The following NIPBL variants were observed in gnomAD, a reference collection of about 807,000 sequenced individuals.
The protein encoded by NIPBL is nipped-B-like protein.
In NIPBL, 19 loss-of-function variants were observed where a neutral mutation model predicts 321.8. The ratio of observed to expected loss-of-function variants is 0.06; its 90% CI spans 0.04 to 0.09. NIPBL has a LOEUF of 0.09. Ranked by LOEUF, NIPBL falls within the 10% of genes least tolerant of loss-of-function variation. The pLI is 1.00. For synonymous variants in NIPBL, 1,106 were observed against 1,114.1 expected (o/e 0.99, Z 0.14); for missense variants, 2,210 against 3,327.0 (o/e 0.66, Z 8.26).
rs1330856920 is a variant in NIPBL, at chr5:36,968,114, A to C, written c.611-2762A>C. ...CTGTCTCAAAAAAAAAAAAAAAACA[A>C]AAAACAAAAAACGAATAAGCAGTGT... On this transcript the variant is annotated intron_variant, in intron 6 of 46. Coordinates refer to ENST00000282516, the MANE Select transcript of NIPBL (RefSeq NM_133433.4). 7.9e-4 allele frequency among the ~76,000 whole-genome samples: 119 copies of C among 151,148 alleles called. 4 individuals carry two copies. The highest frequency in any genetic ancestry group is 3.4e-3 in the Middle Eastern group (1 of 290).
chr5:36,925,889 C>T (rs1276376067), intron 1 of NIPBL, among the ~76,000 whole-genome samples: 1 of 152,146 alleles, frequency 6.6e-6, no homozygotes, highest in African/African-American at 2.4e-5. Context: ...ATATTCTATA[C>T]CCTGTCTCCC....
At chr5:36,892,483 G>A (rs1746411644) in intron 1 of NIPBL, among the ~76,000 whole-genome samples, 1 of 152,130 alleles carries the variant, frequency 6.6e-6, no homozygotes, top group Non-Finnish European at 1.5e-5. Flanking sequence ...AAAGACACAT[G>A]CACACGTATG....
At chr5:36,991,972 T>A (rs1175616947) in intron 10 of NIPBL, among the ~76,000 whole-genome samples, 1 of 152,162 alleles carries the variant, frequency 6.6e-6, no homozygotes, top group African/African-American at 2.4e-5. Context: ...AGTTTTTTGA[T>A]GATTTCTGGT....
Position 36,929,180 on chromosome 5 carries a change from T to C in NIPBL, c.-79-24438T>C, listed in dbSNP as rs758049016. On this transcript the variant is annotated intron_variant, in intron 1 of 46. Transcript: ENST00000282516. ...CAACAGTTAATAGTGTCTTTTTTTA[T>C]AACATTATGACAGTTTAATGGATGT... Among the ~76,000 whole-genome samples the C allele has an allele frequency of 8.1e-4, 123 of 152,296 alleles. 2 individuals are homozygous for C. Among genetic ancestry groups the C allele is most frequent in the Middle Eastern group, 3.4e-3 (1 of 292 alleles).
At chr5:36,917,115 C>G (rs181700089) in intron 1 of NIPBL, among the ~76,000 whole-genome samples, 17 of 152,302 alleles carry the variant, frequency 1.1e-4, no homozygotes, top group African/African-American at 3.8e-4. Context: ...ACAGTCCCAC[C>G]AACAGTGTGA....
intron 1 of NIPBL, among the ~76,000 whole-genome samples, chr5:36,940,820 A>G (rs1161727513): frequency 6.6e-6 from 1 of 152,208 alleles, no homozygotes; most frequent in Non-Finnish European, 1.5e-5. Flanking sequence ...ATTAAAATAT[A>G]TAAATCCCTT....
rs190045037 is a variant in NIPBL at position 37,062,316 on chromosome 5, C to T, written c.7860+1298C>T. Among the ~76,000 whole-genome samples the T allele has an allele frequency of 3.3e-4, 50 of 152,270 alleles. 1 individual carries two copies. Among genetic ancestry groups the T allele is most frequent in the Admixed American group, 2.9e-3 (44 of 15,296 alleles). ...CATTCTCTTACCGTGTTTGGCTATT[C>T]TGTTCCTTTCTTTTCTGATAACCAA... On this transcript the variant is annotated intron_variant, in intron 45 of 46. Coordinates refer to ENST00000282516, the MANE Select transcript of NIPBL (RefSeq NM_133433.4).
rs750839372 is a variant in NIPBL at position 36,952,050 on chromosome 5, GTGTGCGCGCGCGCGCGCGCGCGCA to G, written c.-79-1563_-79-1540del. On this transcript the variant is annotated intron_variant, in intron 1 of 46. Transcript: ENST00000282516. ...TGTGTGTGTGTGTGTGTGTGTGTGT[GTGTGCGCGCGCGCGCGCGCGCGCA>G]TGTGTGTGTGTAGCAGTTTAATGTA... 3.4e-3 allele frequency among the ~76,000 whole-genome samples: 399 copies of G among 117,238 alleles called. 1 individual carries two copies. Among genetic ancestry groups the G allele is most frequent in the Non-Finnish European group, 5.6e-3 (296 of 52,564 alleles). The allele number at this position is 117,238 out of a possible 152,430, so 76.9% of individuals were successfully genotyped here.
At chr5:36,904,492 A>G (rs532649804) in intron 1 of NIPBL, among the ~76,000 whole-genome samples, 2 of 152,344 alleles carry the variant, frequency 1.3e-5, no homozygotes, top group South Asian at 2.1e-4. Context: ...GCAGTTATGT[A>G]TTGCCATGTA....
rs112538243 is a variant in NIPBL, at chr5:36,995,413, C to T, written c.3122-209C>T. The T allele has an allele frequency of 2.7e-3, 1,117 of 415,992 alleles. 13 individuals are homozygous for T. Among genetic ancestry groups the T allele is most frequent in the African/African-American group, 0.021 (1,016 of 48,692 alleles). The allele number at this position is 415,992 out of a possible 1,614,324, so 25.8% of individuals were successfully genotyped here. A position where few individuals can be genotyped will look rare whatever the true frequency, so the allele number is the denominator to read the frequency against. ...TATGGTGGTGTCATGTTTTTAAAGT[C>T]ATTACATAATTATATGTATATATGT... On this transcript the variant is annotated intron_variant, in intron 10 of 46. Transcript: ENST00000282516.
chr5:36,901,023 G>T (rs747223177), intron 1 of NIPBL, among the ~76,000 whole-genome samples: 1 of 152,050 alleles, frequency 6.6e-6, no homozygotes, highest in African/African-American at 2.4e-5. Flanking sequence ...GTCGCAGGGG[G>T]TTTGTTGTAT....
chr5:36,886,085 ACACT>A (rs2149519479), intron 1 of NIPBL: 1 of 692,340 alleles, frequency 1.4e-6, no homozygotes, highest in South Asian at 1.4e-5. Context: ...TGCTGAGATG[ACACT>A]CACGGAGCTG....
chr5:36,961,663 G>A (rs1163759760), intron 5 of NIPBL, 80 bp downstream of exon 5: 1 of 919,578 alleles, frequency 1.1e-6, no homozygotes, highest in African/African-American at 1.6e-5. Flanking sequence ...ATACATTTAG[G>A]TAATGGTGGA....
intron 1 of NIPBL, among the ~76,000 whole-genome samples, chr5:36,903,703 A>C (rs1432808567): frequency 6.6e-6 from 1 of 152,160 alleles, no homozygotes. Flanking sequence ...GTCTTCTCTG[A>C]ATTACTGTCA....
chr5:36,902,348 A>T (rs531087542), intron 1 of NIPBL, among the ~76,000 whole-genome samples: 3 of 152,232 alleles, frequency 2.0e-5, no homozygotes, highest in African/African-American at 7.2e-5. Flanking sequence ...TGATGTCCAG[A>T]AGAGTTTTTC....
Position 37,020,810 on chromosome 5 carries a change from G to C in NIPBL, c.5261G>C (p.Cys1754Ser), listed in dbSNP as rs1377557100. The change falls in exon 27 of 47, where the codon TGC becomes TCC. Residue 1754 changes from cysteine to serine, a missense_variant. Transcript: ENST00000282516. ...NSDTVDYDDA[C>S]LIVRYLASMR... Reference sequence around the variant, plus strand: ...GATACTGTGGACTATGATGATGCTTGCTTGATTGTTCGATACTTGGCCTCC... The same window carrying C: ...GATACTGTGGACTATGATGATGCTTCCTTGATTGTTCGATACTTGGCCTCC... The C allele has an allele frequency of 3.1e-6, 5 of 1,614,028 alleles. No homozygotes were observed. Among genetic ancestry groups the C allele is most frequent in the East Asian group, 2.2e-5 (1 of 44,896 alleles).
rs895074396 is a variant in NIPBL at position 36,914,948 on chromosome 5, T to G, written c.-80+37770T>G. 4.6e-5 allele frequency among the ~76,000 whole-genome samples: 7 copies of G among 152,226 alleles called. No individual in the cohort carries two copies. The East Asian group carries it at 1.2e-3, about 25-fold the overall frequency. On this transcript the variant is annotated intron_variant, in intron 1 of 46. Transcript: ENST00000282516. The stretch of plus-strand genomic sequence containing the variant: ...AAATACTATTTTAACCTGAAACTTT[T>G]TAAAATATTTTTAAAAAGGAGTTTT...
chr5:36,999,961 C>T (rs1000915296), intron 11 of NIPBL, among the ~76,000 whole-genome samples: 7 of 152,146 alleles, frequency 4.6e-5, no homozygotes, highest in African/African-American at 1.4e-4. Context: ...AAACCCTGCT[C>T]CCCATCAGTA....
chr5:36,885,202 C>G, intron 1 of NIPBL: 1 of 533,050 alleles, frequency 1.9e-6, no homozygotes, highest in Non-Finnish European at 3.8e-6. Context: ...CCTCCCTGGA[C>G]AGCATGAGCT....
Sources: allele counts gnomAD v4.1 joint callset (sites outside exome capture counted in the v4.1 genomes callset), GRCh38; gene constraint gnomAD v4.1.1; transcripts MANE v1.5; gene names NCBI Gene and HGNC (gene_info 2026-07-23, HGNC 2026-07-21).